PIP5K1B: variants seen among roughly 807,000 people sequenced by gnomAD.
PIP5K1B encodes the protein phosphatidylinositol-4-phosphate 5-kinase type 1 beta.
A neutral mutation model predicts 67.0 loss-of-function variants in PIP5K1B; 42 were observed. The observed-to-expected ratio is 0.63, with a 90% CI of 0.49 to 0.81. PIP5K1B has a LOEUF of 0.81. PIP5K1B is among the 30% of genes least tolerant of loss of function. The pLI is 0.00. For synonymous variants in PIP5K1B, 214 were observed against 231.4 expected, an observed-to-expected ratio of 0.92 and a Z score of 0.68; for missense variants, 459 against 646.3, an observed-to-expected ratio of 0.71 and a Z score of 3.14.
intron 8 of PIP5K1B, among the ~76,000 whole-genome samples, chr9:68,903,859 CATATGTA>C (rs1256211004): frequency 6.6e-6 from 1 of 152,168 alleles, no homozygotes; most frequent in Non-Finnish European, 1.5e-5. Flanking sequence ...TAAAACAAAT[CATATGTA>C]ATATGTAATC....
At chr9:68,818,343 CCTTT>C (rs1303622498) in intron 2 of PIP5K1B, 114 bp from the exon 3 acceptor site, 3 of 152,188 alleles carry the variant, frequency 2.0e-5, no homozygotes, top group South Asian at 2.1e-4. Context: ...CACATTCCTT[CCTTT>C]GTTTTAATTT....
At chr9:68,744,191 AG>A (rs1356954664) in intron 2 of PIP5K1B, among the ~76,000 whole-genome samples, 1 of 152,216 alleles carries the variant, frequency 6.6e-6, no homozygotes, top group Non-Finnish European at 1.5e-5. Flanking sequence ...CACAAACCAC[AG>A]TGATCTTCAT....
intron 2 of PIP5K1B, chr9:68,781,929 A>G (rs1328819499): frequency 1.8e-5 from 3 of 167,016 alleles, no homozygotes; most frequent in African/African-American, 4.8e-5. Flanking sequence ...TGGCGCACTC[A>G]GGTAAACAAT....
intron 4 of PIP5K1B, among the ~76,000 whole-genome samples, chr9:68,850,461 A>G (rs1042026030): frequency 2.6e-5 from 4 of 152,234 alleles, no homozygotes; most frequent in African/African-American, 9.6e-5. Flanking sequence ...AATCAGTGCT[A>G]GGAGCACTGC....
At chr9:68,873,042 T>C (rs1167711597) in intron 5 of PIP5K1B, among the ~76,000 whole-genome samples, 1 of 152,152 alleles carries the variant, frequency 6.6e-6, no homozygotes, top group Non-Finnish European at 1.5e-5. Context: ...GTTGTGAAAA[T>C]GTCCTTCATG....
chr9:68,909,624 A>G (rs979298813), intron 8 of PIP5K1B, among the ~76,000 whole-genome samples: 2 of 152,148 alleles, frequency 1.3e-5, no homozygotes, highest in Non-Finnish European at 2.9e-5. Flanking sequence ...TTTATCCCAG[A>G]GCATCTGGAT....
chr9:68,790,028 G>A (rs1831870146), intron 2 of PIP5K1B, among the ~76,000 whole-genome samples: 1 of 151,948 alleles, frequency 6.6e-6, no homozygotes, highest in Admixed American at 6.6e-5. Context: ...TTCCTAGATT[G>A]TCATTCCTAG....
At chr9:68,838,449 A>G (rs1363220287) in intron 4 of PIP5K1B, among the ~76,000 whole-genome samples, 1 of 152,242 alleles carries the variant, frequency 6.6e-6, no homozygotes, top group African/African-American at 2.4e-5. Flanking sequence ...TACATAAATA[A>G]AAATCCCTTG....
intron 14 of PIP5K1B, among the ~76,000 whole-genome samples, chr9:68,959,706 C>A (rs193179738): frequency 3.3e-5 from 5 of 152,170 alleles, no homozygotes; most frequent in African/African-American, 1.2e-4. Context: ...CGCAACTGTG[C>A]CCTGTTGTAA....
At chr9:68,888,725 A>C (rs1306897413) in intron 6 of PIP5K1B, among the ~76,000 whole-genome samples, 1 of 152,226 alleles carries the variant, frequency 6.6e-6, no homozygotes, top group Non-Finnish European at 1.5e-5. Flanking sequence ...AGGATGATTC[A>C]TGATTCTATC....
intron 8 of PIP5K1B, among the ~76,000 whole-genome samples, chr9:68,902,850 A>T (rs1476610849): frequency 2.0e-5 from 3 of 152,238 alleles, no homozygotes; most frequent in African/African-American, 7.2e-5. Context: ...TTACTTGAGT[A>T]TATGCCCCAG....
chr9:68,901,933 G>A (rs62566911), intron 8 of PIP5K1B, among the ~76,000 whole-genome samples: 14,672 of 152,178 alleles, frequency 0.096, 856 homozygotes, highest in Non-Finnish European at 0.14. Flanking sequence ...TTTTTACTTT[G>A]TATTTTGAGA....
At chr9:68,796,467 A>G (rs988136406) in intron 2 of PIP5K1B, among the ~76,000 whole-genome samples, 1 of 152,120 alleles carries the variant, frequency 6.6e-6, no homozygotes, top group African/African-American at 2.4e-5. Context: ...TATTTATTTG[A>G]TGGTCATGTT....
intron 2 of PIP5K1B, among the ~76,000 whole-genome samples, chr9:68,796,906 C>T (rs1323962710): frequency 6.6e-6 from 1 of 152,168 alleles, no homozygotes; most frequent in Non-Finnish European, 1.5e-5. Flanking sequence ...CTTAGAAATT[C>T]TAGTATTTGG....
At chr9:68,764,988 C>T (rs1246605421) in intron 2 of PIP5K1B, among the ~76,000 whole-genome samples, 1 of 152,066 alleles carries the variant, frequency 6.6e-6, no homozygotes, top group South Asian at 2.1e-4. Context: ...CCTTTTAGAA[C>T]ATGCATTCTG....
intron 4 of PIP5K1B, among the ~76,000 whole-genome samples, chr9:68,846,951 GA>G (rs987478211): frequency 3.6e-4 from 54 of 152,104 alleles, no homozygotes; most frequent in African/African-American, 1.1e-3. Flanking sequence ...TATATATCAA[GA>G]AAAAAACTGC....
intron 12 of PIP5K1B, among the ~76,000 whole-genome samples, chr9:68,923,630 A>G (rs2132544803): frequency 6.6e-6 from 1 of 152,326 alleles, no homozygotes; most frequent in South Asian, 2.1e-4. Flanking sequence ...TAAATATATT[A>G]TGATACAGTC....
intron 8 of PIP5K1B, among the ~76,000 whole-genome samples, chr9:68,908,295 A>G (rs1270869069): frequency 6.6e-6 from 1 of 152,296 alleles, no homozygotes; most frequent in East Asian, 1.9e-4. Flanking sequence ...AAGTGTTTAT[A>G]AAGAAAACAA....
intron 4 of PIP5K1B, among the ~76,000 whole-genome samples, chr9:68,831,191 A>AGAATGTTATCAAATATATT (rs1834295713): frequency 2.6e-5 from 4 of 152,224 alleles, no homozygotes; most frequent in Admixed American, 2.6e-4. Flanking sequence ...GGCTGATGGA[A>AGAATGTTATCAAATATATT]GAATGTTATC....
Sources: allele counts gnomAD v4.1 joint callset (sites outside exome capture counted in the v4.1 genomes callset), GRCh38; gene constraint gnomAD v4.1.1; transcripts MANE v1.5; gene names NCBI Gene and HGNC (gene_info 2026-07-23, HGNC 2026-07-21).